PRKG1: variants seen among roughly 807,000 people sequenced by gnomAD.
PRKG1 encodes the protein protein kinase cGMP-dependent 1.
PRKG1 carries 35 observed loss-of-function variants against 88.1 expected under a neutral mutation model. That is an observed-to-expected ratio of 0.40 (90% CI 0.30 to 0.53). The LOEUF (loss-of-function observed/expected upper bound fraction) is 0.53. Among genes scored for constraint, PRKG1 ranks in the 20% least tolerant of loss-of-function variants. The pLI is 0.59. For synonymous variants in PRKG1, 303 were observed against 292.5 expected, an observed-to-expected ratio of 1.04 and a Z score of -0.37; for missense variants, 540 against 839.8, an observed-to-expected ratio of 0.64 and a Z score of 4.41.
chr10:51,892,582 A>G (rs550986052), intron 4 of PRKG1, among the ~76,000 whole-genome samples: 1 of 152,344 alleles, frequency 6.6e-6, no homozygotes, highest in African/African-American at 2.4e-5. Flanking sequence ...AGTTTCATGC[A>G]GAACAAATAG....
rs1284944286 is a variant in PRKG1, at chr10:52,295,464, T to G, written c.*1564T>G. On this transcript the variant is annotated 3_prime_UTR_variant, in exon 18 of 18. Coordinates refer to ENST00000373980, the MANE Select transcript of PRKG1 (RefSeq NM_006258.4). The stretch of plus-strand genomic sequence containing the variant: ...GGAGAAAAGAATCCACAAATTAAAC[T>G]GAGTCCTTCACTGGCATGCCAGTTG... 6.6e-6 allele frequency: 1 copy of G among 152,068 alleles called. No individual in the cohort carries two copies. The highest frequency in any genetic ancestry group is 2.4e-5 in the African/African-American group (1 of 41,464). 9.4% of individuals were successfully genotyped at this position (152,068 alleles called of 1,614,324 possible).
intron 9 of PRKG1, among the ~76,000 whole-genome samples, chr10:52,201,223 T>C (rs1839659797): frequency 6.6e-6 from 1 of 152,164 alleles, no homozygotes; most frequent in Non-Finnish European, 1.5e-5. Flanking sequence ...CTTGAGTTGA[T>C]TTTTGTATAT....
intron 2 of PRKG1, among the ~76,000 whole-genome samples, chr10:51,392,778 C>T (rs1168050405): frequency 6.8e-6 from 1 of 147,746 alleles, no homozygotes; most frequent in Non-Finnish European, 1.5e-5. Flanking sequence ...CCCCCACCTC[C>T]CTCCCGGACG....
intron 5 of PRKG1, among the ~76,000 whole-genome samples, chr10:51,983,055 C>A (rs1160030712): frequency 6.6e-6 from 1 of 152,190 alleles, no homozygotes; most frequent in South Asian, 2.1e-4. Flanking sequence ...TTTGTGCCCT[C>A]TTTGTGTGCT....
Position 51,858,300 on chromosome 10 carries a change from T to A in PRKG1, c.699-49207T>A, listed in dbSNP as rs1426708204. Among the ~76,000 whole-genome samples, 15 of 14,010 alleles carry A rather than the reference T, an allele frequency of 1.1e-3. 2 individuals are homozygous for A. The highest frequency in any genetic ancestry group is 3.2e-3 in the South Asian group (1 of 312). 9.2% of individuals were successfully genotyped at this position (14,010 alleles called of 152,430 possible). On this transcript the variant is annotated intron_variant, in intron 4 of 17. Coordinates refer to ENST00000373980, the MANE Select transcript of PRKG1 (RefSeq NM_006258.4). ...ACATATGTATAATTATACATATGTA[T>A]AATATATATATGTATAATATGTATT...
intron 2 of PRKG1, among the ~76,000 whole-genome samples, chr10:51,443,645 T>G (rs928750004): frequency 2.6e-5 from 4 of 152,046 alleles, no homozygotes; most frequent in African/African-American, 9.7e-5. Context: ...TGGACTTTAT[T>G]GTTTTATGAG....
chr10:52,012,072 G>C (rs12571078), intron 5 of PRKG1, among the ~76,000 whole-genome samples: 30,536 of 151,988 alleles, frequency 0.2, 3,230 homozygotes, highest in East Asian at 0.33. Context: ...CATGAAAATT[G>C]ACTAATACAC....
At chr10:51,144,373 T>A (rs2131960362) in intron 1 of PRKG1, among the ~76,000 whole-genome samples, 1 of 152,206 alleles carries the variant, frequency 6.6e-6, no homozygotes, top group Admixed American at 6.5e-5. Context: ...CATTGGACAA[T>A]TTATGTAATT....
intron 3 of PRKG1, among the ~76,000 whole-genome samples, chr10:51,722,487 TTAAG>T (rs1183268344): frequency 6.6e-6 from 1 of 151,944 alleles, no homozygotes; most frequent in African/African-American, 2.4e-5. Flanking sequence ...TTGATACTTA[TTAAG>T]TATCTACTGT....
chr10:51,919,626 C>G (rs531769656), intron 5 of PRKG1, among the ~76,000 whole-genome samples: 1 of 151,872 alleles, frequency 6.6e-6, no homozygotes, highest in East Asian at 1.9e-4. Flanking sequence ...CCTGACTCCT[C>G]TTTCCTCTTC....
chr10:52,022,164 T>A (rs1243871242), intron 5 of PRKG1, among the ~76,000 whole-genome samples: 1 of 152,194 alleles, frequency 6.6e-6, no homozygotes, highest in African/African-American at 2.4e-5. Context: ...TGCTGCCCGA[T>A]GAATTTGTCC....
chr10:51,638,489 C>T (rs1223490971), intron 3 of PRKG1, among the ~76,000 whole-genome samples: 1 of 152,108 alleles, frequency 6.6e-6, no homozygotes, highest in African/African-American at 2.4e-5. Flanking sequence ...TTTTATTATG[C>T]ATTCATCAAA....
chr10:52,228,007 A>C (rs1467327164), intron 9 of PRKG1, among the ~76,000 whole-genome samples: 1 of 152,130 alleles, frequency 6.6e-6, no homozygotes, highest in Non-Finnish European at 1.5e-5. Context: ...TTAGCTGTAA[A>C]ACTCTAATGT....
At chr10:51,830,870 T>C (rs72799456) in intron 4 of PRKG1, among the ~76,000 whole-genome samples, 83 of 152,194 alleles carry the variant, frequency 5.5e-4, no homozygotes, top group Non-Finnish European at 8.4e-4. Flanking sequence ...CCTAAAGTGA[T>C]TTATAAAAAG....
intron 3 of PRKG1, among the ~76,000 whole-genome samples, chr10:51,476,833 C>T (rs10997721): frequency 0.37 from 55,868 of 151,710 alleles, 10,753 homozygotes; most frequent in Middle Eastern, 0.43. Context: ...AGTTTGAAGA[C>T]CACTTTTCTA....
intron 9 of PRKG1, among the ~76,000 whole-genome samples, chr10:52,175,712 A>G (rs1838846376): frequency 1.3e-5 from 2 of 152,040 alleles, no homozygotes; most frequent in Non-Finnish European, 2.9e-5. Flanking sequence ...AAGATACCTC[A>G]TTGTGGTTTT....
chr10:51,360,925 G>A (rs188747100), intron 2 of PRKG1, among the ~76,000 whole-genome samples: 1 of 151,848 alleles, frequency 6.6e-6, no homozygotes, highest in East Asian at 1.9e-4. Flanking sequence ...AACCACTCAG[G>A]CATTTTTCAC....
In PRKG1 at chr10:51,673,730, C is replaced by T. The variant is rs118154456; in HGVS notation, c.593-130855C>T. On this transcript the variant is annotated intron_variant, in intron 3 of 17. Transcript: ENST00000373980. ...TAATCCATCAGAAATATAAATCCAC[C>T]TGTATTTATTCAATTTATATCACTT... Among the ~76,000 whole-genome samples, 108 of 152,216 alleles carry T rather than the reference C, an allele frequency of 7.1e-4. No homozygotes were observed. In the East Asian group the frequency reaches 0.018, roughly 26 times the overall value.
intron 1 of PRKG1, among the ~76,000 whole-genome samples, chr10:51,048,313 CCT>C (rs1843517074): frequency 1.3e-5 from 2 of 151,888 alleles, no homozygotes; most frequent in Admixed American, 1.3e-4. Context: ...CCTCTCTCCC[CCT>C]TTCTCCCTCC....
Sources: gnomAD v4.1 joint callset for allele counts (sites outside exome capture counted in the v4.1 genomes callset) on GRCh38, gnomAD v4.1.1 for gene constraint, MANE v1.5 for transcripts, NCBI Gene and HGNC (gene_info 2026-07-23, HGNC 2026-07-21) for gene names.